TTC7B: variants seen among roughly 807,000 people sequenced by gnomAD.
TTC7B encodes tetratricopeptide repeat protein 7B.
TTC7B carries 28 observed loss-of-function variants against 106.8 expected under a neutral mutation model. The observed-to-expected ratio is 0.26, with a 90% CI of 0.19 to 0.36. The LOEUF (loss-of-function observed/expected upper bound fraction) is 0.36. TTC7B is among the 10% of genes least tolerant of loss of function. The probability of loss-of-function intolerance (pLI) is 1.00; values close to 1 mark genes in which losing one functional copy is unlikely to be tolerated. For synonymous variants in TTC7B, 405 were observed against 430.6 expected (o/e 0.94, Z 0.74); for missense variants, 862 against 1,076.4 (o/e 0.80, Z 2.79).
chr14:90,692,525 G>A (rs942740), intron 6 of TTC7B, among the ~76,000 whole-genome samples: 24,832 of 152,102 alleles, frequency 0.16, 2,108 homozygotes, highest in Middle Eastern at 0.21. Context: ...ACTTTCTAAC[G>A]TCCAATGTAA....
At chr14:90,743,315 A>G (rs551863855) in intron 4 of TTC7B, among the ~76,000 whole-genome samples, 1 of 152,236 alleles carries the variant, frequency 6.6e-6, no homozygotes, top group Non-Finnish European at 1.5e-5. Context: ...GCCTCCTAAA[A>G]AGGCAATTCT....
chr14:90,782,140 T>C (rs1480527458), intron 2 of TTC7B, among the ~76,000 whole-genome samples: 1 of 152,088 alleles, frequency 6.6e-6, no homozygotes, highest in African/African-American at 2.4e-5. Flanking sequence ...TCCAGGCATT[T>C]CTTGGAAGAG....
chr14:90,614,209 G>A (rs909169097), intron 16 of TTC7B, among the ~76,000 whole-genome samples: 7 of 152,138 alleles, frequency 4.6e-5, no homozygotes, highest in Non-Finnish European at 8.8e-5. Context: ...CCAATATCCC[G>A]GAGCCTCAGT....
rs1014576161 is a variant in TTC7B, at chr14:90,621,808, T to C, written c.1752-3763A>G. 2.6e-5 allele frequency among the ~76,000 whole-genome samples: 4 copies of C among 152,342 alleles called. No individual in the cohort carries two copies. In the Middle Eastern group the frequency reaches 0.01, roughly 389 times the overall value. On this transcript the variant is annotated intron_variant, in intron 15 of 19. Coordinates refer to ENST00000328459, the MANE Select transcript of TTC7B (RefSeq NM_001010854.2). Reference sequence around the variant, plus strand: ...TACTGAAAACAAGCAGTGATGCTCGTCATCCTATTTGCTGAACCTGCTTAC... The same window carrying C: ...TACTGAAAACAAGCAGTGATGCTCGCCATCCTATTTGCTGAACCTGCTTAC...
chr14:90,638,126 C>G (rs1231755215), intron 15 of TTC7B, among the ~76,000 whole-genome samples: 6 of 152,026 alleles, frequency 3.9e-5, no homozygotes, highest in Non-Finnish European at 8.8e-5. Flanking sequence ...CTCAAGCGAT[C>G]CTCCTGCCTT....
intron 17 of TTC7B, chr14:90,602,273 T>C (rs1352548870): frequency 4.4e-6 from 2 of 454,740 alleles, no homozygotes; most frequent in East Asian, 6.9e-5. Flanking sequence ...GAACATTTAA[T>C]GTGGTTAATG....
rs1652438231 is a variant in TTC7B, at chr14:90,570,015, TG to T, written c.2310+8090del. The T allele has an allele frequency of 1.3e-5, 2 of 152,130 alleles. No individual in the cohort carries two copies. The highest frequency in any genetic ancestry group is 4.8e-5 in the African/African-American group (2 of 41,400). 9.4% of individuals were successfully genotyped at this position (152,130 alleles called of 1,614,324 possible). A position where few individuals can be genotyped will look rare whatever the true frequency, so the allele number is the denominator to read the frequency against. ...GTCAACAGGGCTGAGTGTATGAACT[TG>T]GGGGTGGTGGTGACTCCCTCCACCA... On this transcript the variant is annotated intron_variant, in intron 19 of 19. Transcript: ENST00000328459. The surrounding 1 kb of genome is among the most constrained non-coding windows in gnomAD (Gnocchi z 4.0).
At chr14:90,765,222 A>G (rs573481840) in intron 3 of TTC7B, among the ~76,000 whole-genome samples, 4 of 152,354 alleles carry the variant, frequency 2.6e-5, no homozygotes, top group Non-Finnish European at 5.9e-5. Flanking sequence ...CAAGTGCATG[A>G]TTTCATTTAT....
At chr14:90,584,698 G>A (rs1891643998) in intron 18 of TTC7B, among the ~76,000 whole-genome samples, 1 of 151,664 alleles carries the variant, frequency 6.6e-6, no homozygotes, top group Non-Finnish European at 1.5e-5. Flanking sequence ...AGGACGCATG[G>A]CAGTAGGTAC....
At chr14:90,792,832 T>C (rs1891633403) in intron 1 of TTC7B, among the ~76,000 whole-genome samples, 1 of 152,098 alleles carries the variant, frequency 6.6e-6, no homozygotes, top group African/African-American at 2.4e-5. Flanking sequence ...GGGAAAAGAA[T>C]TGCAGACAGA....
At chr14:90,674,995 G>A (rs1886770281) in intron 9 of TTC7B, 1 of 152,296 alleles carries the variant, frequency 6.6e-6, no homozygotes, top group South Asian at 2.1e-4. Context: ...CAAGGTCCTA[G>A]TATTCTGTGC....
chr14:90,651,054 A>G (rs997732431), intron 13 of TTC7B, among the ~76,000 whole-genome samples: 4 of 152,270 alleles, frequency 2.6e-5, no homozygotes, highest in African/African-American at 9.6e-5. Context: ...AAACATTAGT[A>G]TAAACAGAAT....
rs1356845010 is a variant in TTC7B at position 90,532,551 on chromosome 14, G to A, written c.*8817C>T. The A allele has an allele frequency of 1.3e-5, 2 of 152,324 alleles. No homozygotes were observed. Among genetic ancestry groups the A allele is most frequent in the East Asian group, 1.9e-4 (1 of 5,182 alleles). The allele number at this position is 152,324 out of a possible 1,614,324, so 9.4% of individuals were successfully genotyped here. ...GGTGGGCACCTTCTTGTCACTCAATGTCACTGTCTTACAGAGGTGTCCCCG... is the reference window on the plus strand; with the variant it reads ...GGTGGGCACCTTCTTGTCACTCAATATCACTGTCTTACAGAGGTGTCCCCG... On this transcript the variant is annotated 3_prime_UTR_variant, in exon 20 of 20. Coordinates refer to ENST00000328459, the MANE Select transcript of TTC7B (RefSeq NM_001010854.2).
chr14:90,717,725 C>T (rs897472825), intron 5 of TTC7B, among the ~76,000 whole-genome samples: 11 of 152,110 alleles, frequency 7.2e-5, no homozygotes, highest in African/African-American at 2.4e-4. Flanking sequence ...GAGCTAGGTC[C>T]CCACCCCCAG....
intron 1 of TTC7B, among the ~76,000 whole-genome samples, chr14:90,801,154 G>C (rs769840204): frequency 6.6e-6 from 1 of 150,782 alleles, no homozygotes; most frequent in Non-Finnish European, 1.5e-5. Flanking sequence ...GAGCCCGGGA[G>C]GTCGAGGCTG....
rs12879292 is a variant in TTC7B at position 90,800,798 on chromosome 14, A to G, written c.122-14470T>C. The stretch of plus-strand genomic sequence containing the variant: ...TGCACTCCAGCCTGGATGACAGAGC[A>G]AGACTCCGTCTCAAAAAAAGGTCAG... On this transcript the variant is annotated intron_variant, in intron 1 of 19. Transcript: ENST00000328459. 2.1e-3 allele frequency among the ~76,000 whole-genome samples: 321 copies of G among 151,966 alleles called. 1 individual carries two copies. Among genetic ancestry groups the G allele is most frequent in the Non-Finnish European group, 3.5e-3 (241 of 67,898 alleles).
intron 1 of TTC7B, among the ~76,000 whole-genome samples, chr14:90,790,926 A>G (rs1029716195): frequency 1.1e-4 from 16 of 152,138 alleles, no homozygotes; most frequent in African/African-American, 3.9e-4. Flanking sequence ...AAGCCACAGC[A>G]CAGAGCCCAG....
chr14:90,630,992 G>A (rs1884678934), intron 15 of TTC7B, among the ~76,000 whole-genome samples: 1 of 151,874 alleles, frequency 6.6e-6, no homozygotes, highest in Non-Finnish European at 1.5e-5. Flanking sequence ...CTGCCACCAC[G>A]CCCAGCTAAT....
chr14:90,796,033 G>A (rs1891763572), intron 1 of TTC7B, among the ~76,000 whole-genome samples: 1 of 152,078 alleles, frequency 6.6e-6, no homozygotes, highest in Non-Finnish European at 1.5e-5. Flanking sequence ...CTGGAGCTGC[G>A]TTTGAACGCA....
Sources: allele counts gnomAD v4.1 joint callset (sites outside exome capture counted in the v4.1 genomes callset), GRCh38; gene constraint gnomAD v4.1.1; non-coding constraint Gnocchi (gnomAD v3.1); transcripts MANE v1.5; gene names NCBI Gene and HGNC (gene_info 2026-07-23, HGNC 2026-07-21).